PTPRG: variants seen among roughly 807,000 people sequenced by gnomAD.
PTPRG encodes the protein protein tyrosine phosphatase receptor type G, also known as receptor-type tyrosine-protein phosphatase gamma.
Under a neutral mutation model 165.3 loss-of-function variants are expected in PTPRG, and 102 were observed. That is an observed-to-expected ratio of 0.62 (90% CI 0.53 to 0.73). PTPRG has a LOEUF of 0.73. Ranked by LOEUF, PTPRG falls within the 30% of genes least tolerant of loss-of-function variation. The pLI is 0.00. For synonymous variants in PTPRG, 675 were observed against 669.5 expected, an observed-to-expected ratio of 1.01 and a Z score of -0.13; for missense variants, 1,866 against 1,861.4, an observed-to-expected ratio of 1.00 and a Z score of -0.05.
At chr3:61,613,437 G>T (rs1337641290) in intron 1 of PTPRG, among the ~76,000 whole-genome samples, 1 of 152,174 alleles carries the variant, frequency 6.6e-6, no homozygotes, top group Admixed American at 6.5e-5. Flanking sequence ...CACAATTAAA[G>T]AAAGACATGC....
At chr3:62,057,112 C>A (rs745881438) in intron 4 of PTPRG, among the ~76,000 whole-genome samples, 5 of 152,190 alleles carry the variant, frequency 3.3e-5, no homozygotes, top group Non-Finnish European at 7.3e-5. Flanking sequence ...GACTGAAAGT[C>A]AATGTTTTGA....
At chr3:61,675,957 T>G (rs1007557567) in intron 1 of PTPRG, among the ~76,000 whole-genome samples, 1 of 152,206 alleles carries the variant, frequency 6.6e-6, no homozygotes, top group East Asian at 1.9e-4. Flanking sequence ...ATCCTATTGT[T>G]AGATACGTCT....
chr3:62,062,359 A>G (rs1700844782), intron 4 of PTPRG, among the ~76,000 whole-genome samples: 1 of 152,202 alleles, frequency 6.6e-6, no homozygotes, highest in African/African-American at 2.4e-5. Flanking sequence ...TTGATAAAGC[A>G]GGTACATTTA....
intron 1 of PTPRG, among the ~76,000 whole-genome samples, chr3:61,732,320 G>GT (rs2032533049): frequency 6.6e-6 from 1 of 152,162 alleles, no homozygotes; most frequent in South Asian, 2.1e-4. Context: ...GCTCATGCCT[G>GT]TAATCCCAGC....
chr3:61,709,254 A>G (rs73099140), intron 1 of PTPRG, among the ~76,000 whole-genome samples: 43,009 of 152,146 alleles, frequency 0.28, 8,067 homozygotes, highest in Non-Finnish European at 0.4. Context: ...TTGGCCATAT[A>G]TGGCTTATTG....
chr3:62,159,806 C>T (rs1704677834), intron 7 of PTPRG, among the ~76,000 whole-genome samples: 1 of 152,124 alleles, frequency 6.6e-6, no homozygotes, highest in African/African-American at 2.4e-5. Context: ...TCATGTGTCC[C>T]TCTCTCTCTC....
At chr3:61,926,106 C>T (rs965763683) in intron 2 of PTPRG, among the ~76,000 whole-genome samples, 4 of 152,144 alleles carry the variant, frequency 2.6e-5, no homozygotes, top group African/African-American at 4.8e-5. Flanking sequence ...TTTAGACATG[C>T]TGATCTGGAG....
intron 6 of PTPRG, among the ~76,000 whole-genome samples, chr3:62,153,962 G>C (rs1369891366): frequency 1.3e-5 from 2 of 152,176 alleles, no homozygotes; most frequent in African/African-American, 4.8e-5. Context: ...TACTGTTTCA[G>C]ATTCCCTGAA....
chr3:62,003,253 T>G (rs1406521750), intron 3 of PTPRG, 96 bp from the exon 4 acceptor site: 1 of 1,377,136 alleles, frequency 7.3e-7, no homozygotes, highest in Non-Finnish European at 9.9e-7. Flanking sequence ...ATAATTCATA[T>G]CATGGTAATG....
At chr3:62,116,508 A>G (rs1264538713) in intron 5 of PTPRG, among the ~76,000 whole-genome samples, 1 of 152,224 alleles carries the variant, frequency 6.6e-6, no homozygotes, top group East Asian at 1.9e-4. Flanking sequence ...ATGAACTACT[A>G]CTTGGACAAA....
At chr3:62,053,272 T>TC (rs1700523500) in intron 4 of PTPRG, among the ~76,000 whole-genome samples, 1 of 150,952 alleles carries the variant, frequency 6.6e-6, no homozygotes, top group Non-Finnish European at 1.5e-5. Flanking sequence ...TTGGGTTTTT[T>TC]TTTTTTTTTT....
chr3:61,806,190 G>A (rs2035411694), intron 2 of PTPRG, among the ~76,000 whole-genome samples: 1 of 152,116 alleles, frequency 6.6e-6, no homozygotes, highest in Non-Finnish European at 1.5e-5. Context: ...TATCATTTTG[G>A]TCTTTTAAAG....
chr3:61,935,242 T>G (rs548934906), intron 2 of PTPRG, among the ~76,000 whole-genome samples: 1 of 152,324 alleles, frequency 6.6e-6, no homozygotes, highest in South Asian at 2.1e-4. Flanking sequence ...AGTTTGCTCA[T>G]TTATTCTTTA....
chr3:62,159,048 G>A (rs779508381), intron 7 of PTPRG, among the ~76,000 whole-genome samples: 5 of 151,768 alleles, frequency 3.3e-5, no homozygotes, highest in African/African-American at 4.8e-5. Flanking sequence ...AAAGGTTTAC[G>A]GCTCAGTGGC....
At chr3:61,711,763 C>T (rs1008058332) in intron 1 of PTPRG, among the ~76,000 whole-genome samples, 1 of 152,204 alleles carries the variant, frequency 6.6e-6, no homozygotes, top group African/African-American at 2.4e-5. Flanking sequence ...ACTTGCGTAT[C>T]ATTCAGCTTT....
At chr3:61,892,376 A>C (rs867003350) in intron 2 of PTPRG, among the ~76,000 whole-genome samples, 3 of 152,134 alleles carry the variant, frequency 2.0e-5, no homozygotes, top group Non-Finnish European at 2.9e-5. Context: ...CACGATGCCC[A>C]GCTAACCTTT....
chr3:62,192,393 C>CTTTTTTTTTTTTTTTTTTTTTTTT (rs71123255), intron 9 of PTPRG, among the ~76,000 whole-genome samples: 1 of 52,596 alleles, frequency 1.9e-5, no homozygotes, highest in Non-Finnish European at 3.6e-5. Flanking sequence ...CAACTACTGT[C>CTTTTTTTTTTTTTTTTTTTTTTTT]TTTTTTTTTT....
chr3:61,861,901 A>G (rs1186346734), intron 2 of PTPRG, among the ~76,000 whole-genome samples: 5 of 152,186 alleles, frequency 3.3e-5, no homozygotes. Flanking sequence ...GAGTTGTGAA[A>G]TTAGATTGAA....
chr3:62,019,754 G>C (rs187784247), intron 4 of PTPRG, among the ~76,000 whole-genome samples: 209 of 152,210 alleles, frequency 1.4e-3, no homozygotes, highest in African/African-American at 4.9e-3. Flanking sequence ...TGTATGCCAT[G>C]AATGTGTACA....
Sources: gnomAD v4.1 joint callset for allele counts (sites outside exome capture counted in the v4.1 genomes callset) on GRCh38, gnomAD v4.1.1 for gene constraint, MANE v1.5 for transcripts, NCBI Gene and HGNC (gene_info 2026-07-23, HGNC 2026-07-21) for gene names.